NRXN3: variants seen among roughly 807,000 people sequenced by gnomAD.
NRXN3 encodes the protein neurexin 3.
NRXN3 carries 32 observed loss-of-function variants against 137.6 expected under a neutral mutation model. The observed-to-expected ratio is 0.23, with a 90% CI of 0.18 to 0.31. The LOEUF is 0.31. Ranked by LOEUF, NRXN3 falls within the 10% of genes least tolerant of loss-of-function variation. The pLI is 1.00. For missense variants in NRXN3, 1,574 were observed against 2,062.5 expected (o/e 0.76, Z 4.59); for synonymous variants, 798 against 784.5 (o/e 1.02, Z -0.29).
At chr14:79,294,113 G>T (rs2083639439) in intron 15 of NRXN3, among the ~76,000 whole-genome samples, 1 of 152,056 alleles carries the variant, frequency 6.6e-6, no homozygotes, top group African/African-American at 2.4e-5. Context: ...AGTATCTGAG[G>T]GTCGTGCTGC....
chr14:79,763,157 G>A (rs543619652), intron 19 of NRXN3, among the ~76,000 whole-genome samples: 56 of 151,574 alleles, frequency 3.7e-4, no homozygotes, highest in Non-Finnish European at 6.5e-4. Context: ...TGCTGAAAAT[G>A]ATGGTTTCCA....
chr14:79,433,112 A>T (rs573789167), intron 15 of NRXN3, among the ~76,000 whole-genome samples: 2 of 152,312 alleles, frequency 1.3e-5, no homozygotes, highest in East Asian at 3.9e-4. Flanking sequence ...GGTTGGATCC[A>T]TTGTGCTTCA....
At position 79,731,779 on chromosome 14, in the gene NRXN3, C is replaced by T. The variant is rs376553677; in HGVS notation, c.4014+33842C>T. On this transcript the variant is annotated intron_variant, in intron 19 of 20. Coordinates refer to ENST00000335750, the MANE Select transcript of NRXN3 (RefSeq NM_001330195.2). ...GATTACAGGCGTGAGCCACTGAGCC[C>T]ACCCTCCTTCCTTCCTTTTTTAAAT... Among the ~76,000 whole-genome samples, 28 of 151,422 alleles carry T rather than the reference C, an allele frequency of 1.8e-4. No individual in the cohort carries two copies. The East Asian group carries it at 4.1e-3, about 22-fold the overall frequency.
intron 15 of NRXN3, among the ~76,000 whole-genome samples, chr14:79,169,510 C>G (rs1037534236): frequency 6.6e-6 from 1 of 152,076 alleles, no homozygotes; most frequent in Non-Finnish European, 1.5e-5. Flanking sequence ...CCTTTTCTTT[C>G]TCTGCCTCAG....
At chr14:79,360,876 T>C (rs923001692) in intron 15 of NRXN3, among the ~76,000 whole-genome samples, 1 of 152,204 alleles carries the variant, frequency 6.6e-6, no homozygotes, top group East Asian at 1.9e-4. Flanking sequence ...TTTATGAAGA[T>C]TAAGATAATG....
intron 10 of NRXN3, among the ~76,000 whole-genome samples, chr14:78,871,496 T>C (rs1340472726): frequency 2.0e-5 from 3 of 152,148 alleles, no homozygotes; most frequent in African/African-American, 7.2e-5. Context: ...TGGGTTAATA[T>C]AAGTCTTTAG....
At chr14:79,490,281 G>A (rs1031942991) in intron 16 of NRXN3, among the ~76,000 whole-genome samples, 5 of 152,046 alleles carry the variant, frequency 3.3e-5, no homozygotes, top group African/African-American at 1.2e-4. Context: ...AAAAAATTGA[G>A]CTACCATATG....
At chr14:79,823,302 T>A (rs958527067) in intron 20 of NRXN3, among the ~76,000 whole-genome samples, 2 of 152,216 alleles carry the variant, frequency 1.3e-5, no homozygotes, top group African/African-American at 2.4e-5. Flanking sequence ...GAGTATTTAT[T>A]GGAAATCAGA....
intron 16 of NRXN3, among the ~76,000 whole-genome samples, chr14:79,576,706 T>C (rs903415277): frequency 6.6e-6 from 1 of 152,198 alleles, no homozygotes; most frequent in African/African-American, 2.4e-5. Flanking sequence ...CTCCCTCTTC[T>C]GATCCTATTT....
chr14:78,921,278 G>A (rs529981368), intron 10 of NRXN3, among the ~76,000 whole-genome samples: 1 of 152,302 alleles, frequency 6.6e-6, no homozygotes, highest in Non-Finnish European at 1.5e-5. Context: ...TGCAAGGCAC[G>A]GGGGATACAG....
At chr14:79,593,437 T>C (rs1250537551) in intron 16 of NRXN3, among the ~76,000 whole-genome samples, 1 of 152,036 alleles carries the variant, frequency 6.6e-6, no homozygotes, top group Non-Finnish European at 1.5e-5. Context: ...GAGACCATCC[T>C]GGCTAACACG....
intron 4 of NRXN3, among the ~76,000 whole-genome samples, chr14:78,366,115 G>A (rs757305167): frequency 6.6e-6 from 1 of 152,094 alleles, no homozygotes; most frequent in Non-Finnish European, 1.5e-5. Flanking sequence ...TATCACATAA[G>A]GATGTTTTGA....
At chr14:78,803,569 G>A (rs1202011335) in intron 8 of NRXN3, 51 bp from the exon 9 acceptor site, 1 of 1,563,344 alleles carries the variant, frequency 6.4e-7, no homozygotes, top group Non-Finnish European at 8.8e-7. Flanking sequence ...GGGGTATTTG[G>A]CAACTGTGAC....
intron 4 of NRXN3, among the ~76,000 whole-genome samples, chr14:78,335,333 C>G (rs2081334681): frequency 6.6e-6 from 1 of 152,220 alleles, no homozygotes; most frequent in Non-Finnish European, 1.5e-5. Flanking sequence ...CTGTGGCCCT[C>G]TGGCACTCTG....
chr14:79,043,234 C>A lies in NRXN3; in HGVS notation c.3262+55093C>A, dbSNP rs564895246. Among the ~76,000 whole-genome samples, 3 of 152,226 alleles carry A rather than the reference C, an allele frequency of 2.0e-5. No homozygotes were observed. The Middle Eastern group carries it at 0.01, about 518-fold the overall frequency. On this transcript the variant is annotated intron_variant, in intron 15 of 20. Coordinates refer to ENST00000335750, the MANE Select transcript of NRXN3 (RefSeq NM_001330195.2). ...GCCCTATGGGTCCTCTTTTTACAGG[C>A]ATCTTTATGGTTCATCAGTTTGCTC...
chr14:79,131,849 C>T lies in NRXN3; in HGVS notation c.3262+143708C>T, dbSNP rs186119131. 3.7e-3 allele frequency among the ~76,000 whole-genome samples: 568 copies of T among 152,352 alleles called. 2 individuals carry two copies. Among genetic ancestry groups the T allele is most frequent in the African/African-American group, 0.013 (544 of 41,596 alleles). ...AGAGAGACTCCGTGGGCGTAGGACC[C>T]TCTGAGCCAGGTGTGGGATATAATC... is the stretch of plus-strand genomic sequence containing the variant. On this transcript the variant is annotated intron_variant, in intron 15 of 20. Coordinates refer to ENST00000335750, the MANE Select transcript of NRXN3 (RefSeq NM_001330195.2).
intron 15 of NRXN3, among the ~76,000 whole-genome samples, chr14:79,407,744 T>C (rs183029505): frequency 6.6e-5 from 10 of 152,310 alleles, no homozygotes; most frequent in Non-Finnish European, 1.5e-4. Flanking sequence ...TGGTGAGTAC[T>C]GTCACTTTCT....
At chr14:79,485,673 T>C (rs954864142) in intron 16 of NRXN3, among the ~76,000 whole-genome samples, 12 of 150,310 alleles carry the variant, frequency 8.0e-5, no homozygotes, top group African/African-American at 3.0e-4. Context: ...GCACATCATA[T>C]TCCAGGTATT....
chr14:79,053,728 T>G (rs1027595168), intron 15 of NRXN3, among the ~76,000 whole-genome samples: 2 of 150,912 alleles, frequency 1.3e-5, no homozygotes, highest in South Asian at 2.1e-4. Flanking sequence ...GAAAAGAGGG[T>G]GAAAGTGAGA....
Sources: allele counts gnomAD v4.1 joint callset (sites outside exome capture counted in the v4.1 genomes callset), GRCh38; gene constraint gnomAD v4.1.1; transcripts MANE v1.5; gene names NCBI Gene and HGNC (gene_info 2026-07-23, HGNC 2026-07-21).